Variants in IL10RB observed in about 807,000 individuals in gnomAD.
IL10RB encodes the protein interleukin-10 receptor subunit beta.
Under a neutral mutation model 38.7 loss-of-function variants are expected in IL10RB, and 30 were observed. That is an observed-to-expected ratio of 0.78 (90% CI 0.58 to 1.05). The LOEUF is 1.05. IL10RB is among the 50% of genes least tolerant of loss of function. The probability of loss-of-function intolerance (pLI) is 0.00; values close to 1 mark genes in which losing one functional copy is unlikely to be tolerated. For missense variants in IL10RB, 328 were observed against 397.1 expected (o/e 0.83, Z 1.48); for synonymous variants, 142 against 145.9 (o/e 0.97, Z 0.19).
At chr21:33,287,970 G>A in intron 5 of IL10RB, 134 bp from the exon 6 acceptor site, 5 of 866,556 alleles carry the variant, frequency 5.8e-6, no homozygotes, top group Non-Finnish European at 9.8e-6. Context: ...CCTCCAACCA[G>A]TTGCTGTTTC....
chr21:33,307,635 T>C (rs888434938), intron 1 of IL10RB, among the ~76,000 whole-genome samples: 5 of 152,176 alleles, frequency 3.3e-5, no homozygotes, highest in African/African-American at 1.2e-4. Context: ...GACACATCTG[T>C]CTCAGAGCCC....
intron 2 of IL10RB, among the ~76,000 whole-genome samples, chr21:33,275,152 CTTTTTTTTTT>C (rs71320298): frequency 9.8e-6 from 1 of 102,308 alleles, no homozygotes; most frequent in East Asian, 2.7e-4. Context: ...TCCAACTTTT[CTTTTTTTTTT>C]TTTTTTTTTT....
chr21:33,274,977 T>C (rs1420319134), intron 2 of IL10RB, among the ~76,000 whole-genome samples: 2 of 152,140 alleles, frequency 1.3e-5, no homozygotes, highest in Non-Finnish European at 2.9e-5. Flanking sequence ...ACATTAAAAA[T>C]CTGTTGTTTA....
chr21:33,277,859 G>C (rs1210104344), intron 3 of IL10RB, among the ~76,000 whole-genome samples: 1 of 150,056 alleles, frequency 6.7e-6, no homozygotes, highest in Non-Finnish European at 1.5e-5. Context: ...TTTTAGTAGA[G>C]ACGGGGTCTC....
rs1431400465 is a variant in IL10RB, at chr21:33,296,609, G to A, written c.*252G>A. ...TTTTCAGAAGTTGGCCACTGAGAGT[G>A]TAATTTTCAGCCTTTTATATCACTA... On this transcript the variant is annotated 3_prime_UTR_variant, in exon 7 of 7. Coordinates refer to ENST00000290200, the MANE Select transcript of IL10RB (RefSeq NM_000628.5). 7.9e-6 allele frequency: 5 copies of A among 631,510 alleles called. No homozygotes were observed. Among genetic ancestry groups the A allele is most frequent in the Non-Finnish European group, 1.2e-5 (4 of 340,676 alleles). The allele number at this position is 631,510 out of a possible 1,614,324, so 39.1% of individuals were successfully genotyped here.
intron 1 of IL10RB, 129 bp downstream of exon 1, chr21:33,266,643 A>G (rs1050262637): frequency 5.6e-6 from 5 of 898,242 alleles, no homozygotes; most frequent in African/African-American, 5.1e-5. Context: ...AGAAGATGCA[A>G]ACGCCACGGC....
chr21:33,280,015 G>A (rs1989252235), intron 4 of IL10RB, 97 bp downstream of exon 4: 3 of 1,077,820 alleles, frequency 2.8e-6, no homozygotes, highest in Admixed American at 3.4e-5. Context: ...TCCTCTGTAA[G>A]CCAAGAGCTT....
Position 33,267,510 on chromosome 21 carries a change from G to GTTTT in IL10RB, c.50-880_50-877dup, listed in dbSNP as rs1292416988. On this transcript the variant is annotated intron_variant, in intron 1 of 6. Transcript: ENST00000290200. ...TTTTTTTTTGTTTGTTTGTTTTTTT[G>GTTTT]TTTTTTTGTTTTTTTTTGAGACAGG... 6.5e-4 allele frequency among the ~76,000 whole-genome samples: 48 copies of GTTTT among 73,976 alleles called. No homozygotes were observed. The Middle Eastern group carries it at 0.025, about 38-fold the overall frequency. 48.5% of individuals were successfully genotyped at this position (73,976 alleles called of 152,430 possible).
intron 6 of IL10RB, 88 bp downstream of exon 6, chr21:33,288,349 C>T (rs922169048): frequency 5.3e-6 from 6 of 1,135,684 alleles, no homozygotes; most frequent in Non-Finnish European, 6.7e-6. Flanking sequence ...TTCCAGACAA[C>T]ATGTTTTCCA....
intron 6 of IL10RB, among the ~76,000 whole-genome samples, chr21:33,291,641 C>A (rs1159258601): frequency 1.3e-5 from 2 of 152,130 alleles, no homozygotes; most frequent in Non-Finnish European, 2.9e-5. Flanking sequence ...ACCTGTGAAA[C>A]CTTGGGAATC....
chr21:33,286,773 A>C (rs999589428), intron 5 of IL10RB, among the ~76,000 whole-genome samples: 3 of 152,142 alleles, frequency 2.0e-5, no homozygotes, highest in African/African-American at 2.4e-5. Flanking sequence ...GGATCACTTG[A>C]GTCCTGGAAG....
At chr21:33,287,003 A>G (rs1315039306) in intron 5 of IL10RB, among the ~76,000 whole-genome samples, 1 of 152,184 alleles carries the variant, frequency 6.6e-6, no homozygotes, top group African/African-American at 2.4e-5. Context: ...ACCGGTGTTT[A>G]TCAAGGCTAG....
intron 2 of IL10RB, among the ~76,000 whole-genome samples, chr21:33,270,283 G>A (rs1419249377): frequency 6.6e-6 from 1 of 152,100 alleles, no homozygotes; most frequent in African/African-American, 2.4e-5. Context: ...GAATAGCCAC[G>A]GAGATTTTAC....
At chr21:33,287,492 G>C (rs934240704) in intron 5 of IL10RB, among the ~76,000 whole-genome samples, 1 of 152,096 alleles carries the variant, frequency 6.6e-6, no homozygotes, top group African/African-American at 2.4e-5. Context: ...TCAAATTGCT[G>C]GGACTACAGG....
rs1359767618 is a variant in IL10RB at position 33,296,222 on chromosome 21, C to T, written c.843C>T (p.Phe281=). 6.2e-7 allele frequency: 1 copy of T among 1,614,090 alleles called. No individual in the cohort carries two copies. Among genetic ancestry groups the T allele is most frequent in the Non-Finnish European group, 8.5e-7 (1 of 1,179,944 alleles). The change falls in exon 7 of 7, where the codon TTC becomes TTT. Residue 281 remains phenylalanine, a synonymous_variant. Transcript: ENST00000290200. ...CTCATCATAACACACTTCTGTTTTT[C>T]TCCTTTCCATTGTCGGATGAGAATG... ...GHPHHNTLLF[F]SFPLSDENDV...
intron 4 of IL10RB, among the ~76,000 whole-genome samples, chr21:33,280,707 G>T (rs1348377029): frequency 2.0e-5 from 3 of 152,080 alleles, no homozygotes; most frequent in African/African-American, 7.2e-5. Context: ...ACATATATAT[G>T]TTATGTATGT....
intron 5 of IL10RB, among the ~76,000 whole-genome samples, chr21:33,285,805 C>T (rs1989361921): frequency 6.6e-6 from 1 of 152,156 alleles, no homozygotes; most frequent in African/African-American, 2.4e-5. Context: ...TTCTCAAGAC[C>T]TGGGATGTCA....
At chr21:33,268,122 A>G in intron 1 of IL10RB, 5 of 806,984 alleles carry the variant, frequency 6.2e-6, no homozygotes, top group Non-Finnish European at 9.0e-6. Flanking sequence ...CCATGTGCCC[A>G]CCCTACCCCC....
chr21:33,277,517 A>G (rs1308396999), intron 3 of IL10RB, among the ~76,000 whole-genome samples: 3 of 151,996 alleles, frequency 2.0e-5, no homozygotes, highest in East Asian at 3.9e-4. Context: ...CAAAATTCAC[A>G]TACAGCCCTT....
Sources: allele counts gnomAD v4.1 joint callset (sites outside exome capture counted in the v4.1 genomes callset), GRCh38; gene constraint gnomAD v4.1.1; transcripts MANE v1.5; gene names NCBI Gene and HGNC (gene_info 2026-07-23, HGNC 2026-07-21).